SLC13A4: variants seen among roughly 807,000 people sequenced by gnomAD.
The protein encoded by SLC13A4 is Na(+)/sulfate cotransporter SUT-1.
A neutral mutation model predicts 72.7 loss-of-function variants in SLC13A4; 28 were observed. That is an observed-to-expected ratio of 0.39 (90% CI 0.29 to 0.53). SLC13A4 has a LOEUF of 0.53. Ranked by LOEUF, SLC13A4 falls within the 20% of genes least tolerant of loss-of-function variation. SLC13A4 has a pLI of 0.78. For missense variants in SLC13A4, 653 were observed against 788.0 expected, an observed-to-expected ratio of 0.83 and a Z score of 2.05; for synonymous variants, 312 against 325.5, an observed-to-expected ratio of 0.96 and a Z score of 0.45.
chr7:135,718,650 C>A (rs1796481008), intron 2 of SLC13A4, among the ~76,000 whole-genome samples: 1 of 151,892 alleles, frequency 6.6e-6, no homozygotes, highest in South Asian at 2.1e-4. Flanking sequence ...AAGGGCTTCA[C>A]CAAAGAGAGT....
intron 6 of SLC13A4, chr7:135,702,565 G>A (rs1412409125): frequency 2.2e-5 from 8 of 356,860 alleles, no homozygotes; most frequent in Admixed American, 1.3e-4. Flanking sequence ...TAGTACAGGC[G>A]GGGTTTCACC....
chr7:135,689,285 C>CT (rs1186217021), intron 13 of SLC13A4, among the ~76,000 whole-genome samples: 1 of 152,048 alleles, frequency 6.6e-6, no homozygotes, highest in Non-Finnish European at 1.5e-5. Context: ...ATATCCCGAA[C>CT]TTGGAATGAG....
intron 2 of SLC13A4, among the ~76,000 whole-genome samples, chr7:135,715,520 T>C (rs1796415029): frequency 7.2e-6 from 1 of 139,812 alleles, no homozygotes; most frequent in South Asian, 2.3e-4. Flanking sequence ...TATGTGAGTG[T>C]GTGAGTGTGT....
intron 13 of SLC13A4, among the ~76,000 whole-genome samples, chr7:135,686,990 G>A (rs1795642398): frequency 6.6e-6 from 1 of 152,214 alleles, no homozygotes; most frequent in Non-Finnish European, 1.5e-5. Context: ...CCGGGAGGCA[G>A]AGGTTGCAGT....
chr7:135,714,194 A>T (rs1796365342), intron 2 of SLC13A4, among the ~76,000 whole-genome samples: 1 of 152,250 alleles, frequency 6.6e-6, no homozygotes, highest in African/African-American at 2.4e-5. Flanking sequence ...CATTGCTTAA[A>T]AAAACATTCT....
chr7:135,723,410 G>A (rs1796586692), intron 1 of SLC13A4, among the ~76,000 whole-genome samples: 1 of 152,128 alleles, frequency 6.6e-6, no homozygotes, highest in Admixed American at 6.5e-5. Flanking sequence ...GCTGATGAAC[G>A]CTGTTAAGAC....
At chr7:135,714,727 T>TA (rs1796374652) in intron 2 of SLC13A4, among the ~76,000 whole-genome samples, 1 of 152,092 alleles carries the variant, frequency 6.6e-6, no homozygotes, top group African/African-American at 2.4e-5. Context: ...AAAGTCAGGG[T>TA]AACGAGTCAG....
Position 135,701,730 on chromosome 7 carries a change from G to A in SLC13A4, c.664C>T (p.Pro222Ser), listed in dbSNP as rs752605208. Residue 222 changes from proline (P) to serine (S), a missense_variant, in exon 7 of 16, where the codon CCC becomes TCC. Physicochemically the swap from Pro to Ser is moderately conservative, Grantham distance 74 (BLOSUM62 -1). Coordinates refer to ENST00000682651, the MANE Select transcript of SLC13A4 (RefSeq NM_001318192.2). Reference sequence around the variant, plus strand: ...TGGTGTTGGTTTGCAGTTTTGATGGGGTTGGTGATCGAGGGCACACCATTC... The same window carrying A: ...TGGTGTTGGTTTGCAGTTTTGATGGAGTTGGTGATCGAGGGCACACCATTC... Reference protein sequence around the residue: ...NLNGVPSITNPIKTANQHQGK... With the variant: ...NLNGVPSITNSIKTANQHQGK... 1 of 1,613,904 alleles carries A rather than the reference G, an allele frequency of 6.2e-7. No homozygotes were observed. Among genetic ancestry groups the A allele is most frequent in the Non-Finnish European group, 8.5e-7 (1 of 1,179,914 alleles).
At chr7:135,684,299 G>T (rs1584713240) in intron 14 of SLC13A4, 38 bp from the exon 15 acceptor site, 5 of 1,567,070 alleles carry the variant, frequency 3.2e-6, no homozygotes, top group Non-Finnish European at 3.5e-6. Flanking sequence ...CACGAGATTA[G>T]GCTTGCATTT....
intron 2 of SLC13A4, among the ~76,000 whole-genome samples, chr7:135,710,747 A>G (rs1264235562): frequency 6.6e-6 from 1 of 152,206 alleles, no homozygotes; most frequent in Non-Finnish European, 1.5e-5. Flanking sequence ...CTTTTGCCCT[A>G]TGGACATTTC....
At position 135,685,542 on chromosome 7, in the gene SLC13A4, G is replaced by A; in HGVS notation, c.1588C>T (p.Leu530=). 1 of 1,614,198 alleles carries A rather than the reference G, an allele frequency of 6.2e-7. No homozygotes were observed. The highest frequency in any genetic ancestry group is 8.5e-7 in the Non-Finnish European group (1 of 1,180,014). ...CTCACCAGGCTGCACAGGATGGGCA[G>A]GAAGATGGTGATGGTTGCTGGGTTG... is the stretch of plus-strand genomic sequence containing the variant. ...VSNPATITIF[L]PILCSLSETL... Residue 530 remains leucine (L), a synonymous_variant, in exon 14 of 16, where the codon CTG becomes TTG. Transcript: ENST00000682651.
At chr7:135,686,137 G>A (rs2129493768) in intron 13 of SLC13A4, among the ~76,000 whole-genome samples, 1 of 152,278 alleles carries the variant, frequency 6.6e-6, no homozygotes, top group Admixed American at 6.5e-5. Context: ...CCTAAAAAAG[G>A]GAAAAATTTA....
chr7:135,709,369 C>T (rs1796245357), intron 2 of SLC13A4, among the ~76,000 whole-genome samples: 1 of 150,104 alleles, frequency 6.7e-6, no homozygotes, highest in Non-Finnish European at 1.5e-5. Context: ...CACATTTTGG[C>T]TGGTCCTTTA....
chr7:135,699,466 C>T lies in SLC13A4; in HGVS notation c.797G>A (p.Cys266Tyr). ...GGATATGCTCAGGGAGAGGCACTTG[C>T]AGATCATCTGGTCATGGTGGGACCT... ...KYRSHHDQMI[C>Y]KCLSLSISYS... is the part of the protein sequence containing the mutation. Residue 266 changes from cysteine (C) to tyrosine (Y), a missense_variant, in exon 8 of 16, where the codon TGC (cysteine) becomes TAC (tyrosine). Physicochemically the swap from Cys to Tyr is radical, Grantham distance 194. Coordinates refer to ENST00000682651, the MANE Select transcript of SLC13A4 (RefSeq NM_001318192.2). 1 of 1,613,174 alleles carries T rather than the reference C, an allele frequency of 6.2e-7. No individual in the cohort carries two copies. The highest frequency in any genetic ancestry group is 1.7e-5 in the Admixed American group (1 of 59,848).
At chr7:135,716,822 T>C (rs976769752) in intron 2 of SLC13A4, among the ~76,000 whole-genome samples, 2 of 152,170 alleles carry the variant, frequency 1.3e-5, no homozygotes, top group African/African-American at 2.4e-5. Flanking sequence ...TCACGGAGGA[T>C]TAAGTTATAT....
intron 9 of SLC13A4, among the ~76,000 whole-genome samples, 180 bp downstream of exon 9, chr7:135,695,188 T>A (rs1795873853): frequency 1.3e-5 from 2 of 152,188 alleles, no homozygotes; most frequent in Admixed American, 1.3e-4. Context: ...AGTTCACAAA[T>A]GTTTAGAATG....
intron 10 of SLC13A4, among the ~76,000 whole-genome samples, chr7:135,693,691 G>A (rs756003655): frequency 2.0e-5 from 3 of 152,250 alleles, no homozygotes; most frequent in African/African-American, 4.8e-5. Flanking sequence ...TTTCTTGGAC[G>A]CTCTCTCTCC....
intron 2 of SLC13A4, among the ~76,000 whole-genome samples, chr7:135,711,449 G>A (rs969059987): frequency 1.1e-4 from 16 of 152,206 alleles, no homozygotes; most frequent in African/African-American, 3.6e-4. Flanking sequence ...AATATGGAGA[G>A]CCTTCTAGTG....
chr7:135,727,661 TG>T lies in SLC13A4; in HGVS notation c.-166del. ...AACGGGAGGGCAGTTATACCCTCGC[TG>T]TTTCTACAAGAGGCTGGGCTCCTGG... On this transcript the variant is annotated 5_prime_UTR_variant, in exon 1 of 16. Transcript: ENST00000682651. 1.3e-6 allele frequency: 1 copy of T among 792,720 alleles called. No homozygotes were observed. The highest frequency in any genetic ancestry group is 1.9e-6 in the Non-Finnish European group (1 of 526,672). 49.1% of individuals were successfully genotyped at this position (792,720 alleles called of 1,614,324 possible).
Sources: gnomAD v4.1 joint callset for allele counts (sites outside exome capture counted in the v4.1 genomes callset) on GRCh38, gnomAD v4.1.1 for gene constraint, MANE v1.5 for transcripts, NCBI Gene and HGNC (gene_info 2026-07-23, HGNC 2026-07-21) for gene names.